The following CDH16 variants were observed in gnomAD, a reference collection of about 807,000 sequenced individuals.
CDH16 encodes the protein cadherin 16.
CDH16 carries 79 observed loss-of-function variants against 87.6 expected under a neutral mutation model. The ratio of observed to expected loss-of-function variants is 0.90; its 90% CI spans 0.75 to 1.09. CDH16 has a LOEUF of 1.09. CDH16 is among the 50% of genes least tolerant of loss of function. CDH16 has a pLI of 0.00. For missense variants in CDH16, 1,124 were observed against 1,071.7 expected (o/e 1.05, Z -0.68); for synonymous variants, 457 against 439.5 (o/e 1.04, Z -0.50).
At chr16:66,917,820 C>A in intron 2 of CDH16, 95 bp from the exon 3 acceptor site, 1 of 1,139,580 alleles carries the variant, frequency 8.8e-7, no homozygotes, top group Non-Finnish European at 1.3e-6. Flanking sequence ...CTTCCCAGGG[C>A]CTGGCTGTAC....
In CDH16 at chr16:66,912,087, A is replaced by C. The variant is rs533813528; in HGVS notation, c.1602T>G (p.Ser534Arg). Residue 534 changes from serine to arginine, a missense_variant, in exon 13 of 18, where the codon AGT becomes AGG. By Grantham distance (110) the Ser-to-Arg change is moderately radical. Transcript: ENST00000299752. Reference sequence around the variant, plus strand: ...GGCCTGGCCCCACCAGCTTCGCCACACTCTGCACCACCACCACCACCTCAT... The same window carrying C: ...GGCCTGGCCCCACCAGCTTCGCCACCCTCTGCACCACCACCACCACCTCAT... The part of the protein sequence containing the change: ...PSHEVVVVVQ[S>R]VAKLVGPGPG... The C allele has an allele frequency of 6.2e-7, 1 of 1,613,692 alleles. No homozygotes were observed. The highest frequency in any genetic ancestry group is 1.7e-5 in the Admixed American group (1 of 60,008).
chr16:66,913,328 C>A, intron 8 of CDH16, 47 bp from the exon 9 acceptor site: 1 of 1,549,250 alleles, frequency 6.5e-7, no homozygotes, highest in Non-Finnish European at 8.7e-7. Context: ...AGGGCAGCTC[C>A]AGCCTTGCCT....
Position 66,909,526 on chromosome 16 carries a change from CCAGGCGTGGTGGCT to C in CDH16, c.2276-157_2276-144del. The C allele has an allele frequency of 1.5e-6, 1 of 648,390 alleles. No individual in the cohort carries two copies. The highest frequency in any genetic ancestry group is 2.7e-6 in the Non-Finnish European group (1 of 364,252). 40.2% of individuals were successfully genotyped at this position (648,390 alleles called of 1,614,324 possible). ...ATGTGTGTGAAGATATATGCGCTAGCCAGGCGTGGTGGCTCACACCTGTAATCCCAGCCCTTTGG... is the reference window on the plus strand; with the variant it reads ...ATGTGTGTGAAGATATATGCGCTAGCCACACCTGTAATCCCAGCCCTTTGG... On this transcript the variant is annotated intron_variant, in intron 16 of 17. Transcript: ENST00000299752. The surrounding 1 kb of genome is among the most constrained non-coding windows in gnomAD (Gnocchi z 4.1).
intron 13 of CDH16, 116 bp downstream of exon 13, chr16:66,911,783 A>G (rs1348308421): frequency 2.3e-6 from 3 of 1,294,154 alleles, no homozygotes; most frequent in Non-Finnish European, 3.2e-6. Context: ...GGCATTTGCC[A>G]TAGTTTGAGA....
chr16:66,911,973 A>T lies in CDH16; in HGVS notation c.1716T>A (p.Ser572Arg). ...AGCCGGCTGGGGCACTGATGGGGAC[A>T]CTGGCCTCGTAGCTCTCCTGGTCCA... ...PKLDQESYEASVPISAPAGSF... is the reference protein window; with the variant it reads ...PKLDQESYEARVPISAPAGSF... Residue 572 changes from serine (S) to arginine (R), a missense_variant, in exon 13 of 18, where the codon AGT becomes AGA. Physicochemically the swap from Ser to Arg is moderately radical, Grantham distance 110. Transcript: ENST00000299752. 6.2e-7 allele frequency: 1 copy of T among 1,614,042 alleles called. No individual in the cohort carries two copies. The highest frequency in any genetic ancestry group is 2.2e-5 in the East Asian group (1 of 44,840).
rs1158253913 is a variant in CDH16 at position 66,917,679 on chromosome 16, T to A, written c.92A>T (p.Glu31Val). 2 of 1,613,502 alleles carry A rather than the reference T, an allele frequency of 1.2e-6. No individual in the cohort carries two copies. Among genetic ancestry groups the A allele is most frequent in the Admixed American group, 3.3e-5 (2 of 59,906 alleles). The part of the protein sequence containing the change: ...QPAELSVEVP[E>V]NYGGNFPLYL... ...TAAAGGGAAATTTCCACCATAGTTT[T>A]CTGGAACTTCCACAGACAGCTCTGC... The change falls in exon 3 of 18, where the codon GAA becomes GTA. Residue 31 changes from glutamate (E) to valine (V), a missense_variant. Coordinates refer to ENST00000299752, the MANE Select transcript of CDH16 (RefSeq NM_004062.4).
rs373362878 is a variant in CDH16, at chr16:66,913,289, G to T, written c.904-8C>A. Reference sequence around the variant, plus strand: ...CCGCACCTGGAGCAGGTACTGCGGTGGGCAGTAGGGGGCTTCAGGTCAGGA... The same window carrying T: ...CCGCACCTGGAGCAGGTACTGCGGTTGGCAGTAGGGGGCTTCAGGTCAGGA... On this transcript the variant is annotated splice_polypyrimidine_tract_variant and splice_region_variant and intron_variant, in intron 8 of 17. Transcript: ENST00000299752. The T allele has an allele frequency of 1.3e-6, 2 of 1,545,078 alleles. No individual in the cohort carries two copies. Among genetic ancestry groups the T allele is most frequent in the Non-Finnish European group, 1.7e-6 (2 of 1,145,326 alleles).
At chr16:66,910,175 C>T in intron 15 of CDH16, 82 bp from the exon 16 acceptor site, 3 of 1,556,098 alleles carry the variant, frequency 1.9e-6, no homozygotes, top group Non-Finnish European at 2.6e-6. Context: ...CTAGCCCCAC[C>T]CCCATGGTAG....
At position 66,912,070 on chromosome 16, in the gene CDH16, C is replaced by T. The variant is rs759867752; in HGVS notation, c.1619G>A (p.Gly540Glu). 5.6e-6 allele frequency: 9 copies of T among 1,613,908 alleles called. No homozygotes were observed. The East Asian group carries it at 1.8e-4, about 32-fold the overall frequency. Reference sequence around the variant, plus strand: ...GGTGGCTCCAGGGCCTGGGCCTGGCCCCACCAGCTTCGCCACACTCTGCAC... The same window carrying T: ...GGTGGCTCCAGGGCCTGGGCCTGGCTCCACCAGCTTCGCCACACTCTGCAC... ...VVVQSVAKLV[G>E]PGPGPGATAT... Residue 540 changes from glycine (G) to glutamate (E), a missense_variant, in exon 13 of 18, where the codon GGG (glycine) becomes GAG (glutamate). Physicochemically the swap from Gly to Glu is moderately conservative, Grantham distance 98. Coordinates refer to ENST00000299752, the MANE Select transcript of CDH16 (RefSeq NM_004062.4).
In CDH16 at chr16:66,912,715, G is replaced by T. The variant is rs549779564; in HGVS notation, c.1231C>A (p.Gln411Lys). Residue 411 changes from glutamine to lysine, a missense_variant, in exon 10 of 18, where the codon CAG becomes AAG. By Grantham distance (53) the Gln-to-Lys change is moderately conservative (BLOSUM62 1). Transcript: ENST00000299752. Reference protein sequence around the residue: ...TLGVLPLRAGQNILLLVLAMD... With the variant: ...TLGVLPLRAGKNILLLVLAMD... ...GCCAGCACCAGAAGCAGGATGTTCTGGCCTGCTCGGAGTGGGAGCACCCCC... is the reference window on the plus strand; with the variant it reads ...GCCAGCACCAGAAGCAGGATGTTCTTGCCTGCTCGGAGTGGGAGCACCCCC... 6.2e-6 allele frequency: 10 copies of T among 1,613,944 alleles called. No homozygotes were observed. In the African/African-American group the frequency reaches 1.2e-4, roughly 19 times the overall value.
Position 66,912,126 on chromosome 16 carries a change from C to T in CDH16, c.1563G>A (p.Glu521=). The T allele has an allele frequency of 6.2e-7, 1 of 1,612,650 alleles. No homozygotes were observed. Among genetic ancestry groups the T allele is most frequent in the East Asian group, 2.2e-5 (1 of 44,818 alleles). ...RLRLCKNLSY[E]AAPSHEVVVV... ...CCACCACCTCATGACTTGGAGCTGC[C>T]TCATAACTGAGGTTCTGGAACCAGG... The change falls in exon 13 of 18, where the codon GAG becomes GAA. Residue 521 remains glutamate, a synonymous_variant. Transcript: ENST00000299752.
chr16:66,917,221 C>A (rs916646222), intron 3 of CDH16, among the ~76,000 whole-genome samples: 1 of 152,040 alleles, frequency 6.6e-6, no homozygotes, highest in Admixed American at 6.5e-5. Context: ...ATCTCTTGAA[C>A]CCAGGACGTG....
In CDH16 at chr16:66,916,236, G is replaced by T. The variant is rs770971703; in HGVS notation, c.286-33C>A. 6.2e-7 allele frequency: 1 copy of T among 1,614,188 alleles called. No individual in the cohort carries two copies. On this transcript the variant is annotated intron_variant, in intron 4 of 17. Transcript: ENST00000299752. The surrounding 1 kb of genome is among the most constrained non-coding windows in gnomAD (Gnocchi z 4.1). ...GGAAGGGGAGTCAGCGTCTGGCTCT[G>T]CCTTGCCTGCTCTCCCCTACACCTG... is the stretch of plus-strand genomic sequence containing the variant.
Position 66,911,770 on chromosome 16 carries a change from C to T in CDH16, c.1790+129G>A, listed in dbSNP as rs997920114. The T allele has an allele frequency of 5.9e-6, 7 of 1,191,780 alleles. No homozygotes were observed. In the East Asian group the frequency reaches 1.2e-4, roughly 21 times the overall value. 73.8% of individuals were successfully genotyped at this position (1,191,780 alleles called of 1,614,324 possible). On this transcript the variant is annotated intron_variant, in intron 13 of 17. Coordinates refer to ENST00000299752, the MANE Select transcript of CDH16 (RefSeq NM_004062.4). ...CCCGATCCCTGCCAGGAGTCACAAC[C>T]TTGGCATTTGCCATAGTTTGAGAAA...
Position 66,909,879 on chromosome 16 carries a change from C to T in CDH16, c.2275+107G>A. The T allele has an allele frequency of 1.3e-6, 1 of 781,592 alleles. No homozygotes were observed. The highest frequency in any genetic ancestry group is 2.1e-6 in the Non-Finnish European group (1 of 465,226). The allele number at this position is 781,592 out of a possible 1,614,324, so 48.4% of individuals were successfully genotyped here. On this transcript the variant is annotated intron_variant, in intron 16 of 17. Coordinates refer to ENST00000299752, the MANE Select transcript of CDH16 (RefSeq NM_004062.4). The surrounding 1 kb of genome is among the most constrained non-coding windows in gnomAD (Gnocchi z 4.1). Reference sequence around the variant, plus strand: ...CCATAGGTGTGCAAGTGTGCACAGGCATGTGCTGTCCACATGAGCAGCCTG... The same window carrying T: ...CCATAGGTGTGCAAGTGTGCACAGGTATGTGCTGTCCACATGAGCAGCCTG...
At chr16:66,915,961 T>G (rs1315153586) in intron 5 of CDH16, 104 bp downstream of exon 5, 7 of 1,258,454 alleles carry the variant, frequency 5.6e-6, no homozygotes, top group Non-Finnish European at 7.9e-6. Context: ...GGGACAGAAA[T>G]GGCTGCCCTG....
chr16:66,913,473 G>T lies in CDH16; in HGVS notation c.903+18C>A. 1 of 1,614,012 alleles carries T rather than the reference G, an allele frequency of 6.2e-7. No individual in the cohort carries two copies. Among genetic ancestry groups the T allele is most frequent in the Non-Finnish European group, 8.5e-7 (1 of 1,179,958 alleles). ...CAAGCACCCCCAGCCTGCATCCCTGGCTCCCCCTTCATATCACCTCAGCCT... is the reference window on the plus strand; with the variant it reads ...CAAGCACCCCCAGCCTGCATCCCTGTCTCCCCCTTCATATCACCTCAGCCT... On this transcript the variant is annotated intron_variant, in intron 8 of 17. Coordinates refer to ENST00000299752, the MANE Select transcript of CDH16 (RefSeq NM_004062.4).
At position 66,912,029 on chromosome 16, in the gene CDH16, G is replaced by A. The variant is rs769317907; in HGVS notation, c.1660C>T (p.Leu554=). Residue 554 remains leucine, a synonymous_variant, in exon 13 of 18, where the codon CTA becomes TTA. Coordinates refer to ENST00000299752, the MANE Select transcript of CDH16 (RefSeq NM_004062.4). ...GGGGGTGGCATCACTCTCTCCACTA[G>A]CACAGTCACCGTGGCGGTGGCTCCA... The part of the protein sequence containing the change: ...GPGATATVTV[L]VERVMPPPKL... The A allele has an allele frequency of 1.2e-6, 2 of 1,614,116 alleles. No individual in the cohort carries two copies. Among genetic ancestry groups the A allele is most frequent in the Non-Finnish European group, 1.7e-6 (2 of 1,180,020 alleles).
rs1263548171 is a variant in CDH16 at position 66,912,873 on chromosome 16, A to T, written c.1073T>A (p.Leu358Gln). ...LSPPGTEVTR[L>Q]SAEDADAPGS... ...GGGGGCATCTGCATCCTCTGCTGAC[A>T]GTCTAGTCACTTCAGTACCTGCCAA... The change falls in exon 10 of 18, where the codon CTG becomes CAG. Residue 358 changes from leucine (L) to glutamine (Q), a missense_variant. Physicochemically the swap from Leu to Gln is moderately radical, Grantham distance 113. Coordinates refer to ENST00000299752, the MANE Select transcript of CDH16 (RefSeq NM_004062.4). 1.2e-6 allele frequency: 2 copies of T among 1,611,580 alleles called. No individual in the cohort carries two copies. The highest frequency in any genetic ancestry group is 1.3e-5 in the African/African-American group (1 of 74,912).
Sources: gnomAD v4.1 joint callset for allele counts (sites outside exome capture counted in the v4.1 genomes callset) on GRCh38, gnomAD v4.1.1 for gene constraint, Gnocchi (gnomAD v3.1) non-coding constraint, MANE v1.5 for transcripts, NCBI Gene and HGNC (gene_info 2026-07-23, HGNC 2026-07-21) for gene names.